The following IGSF21 variants were observed in gnomAD, a reference collection of about 807,000 sequenced individuals.
IGSF21 encodes the protein immunoglobulin superfamily member 21.
In IGSF21, 28 loss-of-function variants were observed where a neutral mutation model predicts 46.8. That is an observed-to-expected ratio of 0.60 (90% CI 0.44 to 0.82). The LOEUF is 0.82. Ranked by LOEUF, IGSF21 falls within the 40% of genes least tolerant of loss-of-function variation. The pLI is 0.00. For missense variants in IGSF21, 624 were observed against 665.5 expected (o/e 0.94, Z 0.69); for synonymous variants, 284 against 273.6 (o/e 1.04, Z -0.38).
chr1:18,145,189 G>C (rs571353241), intron 1 of IGSF21, among the ~76,000 whole-genome samples: 1 of 130,450 alleles, frequency 7.7e-6, no homozygotes, highest in Non-Finnish European at 1.6e-5. Flanking sequence ...GAAACAGAGA[G>C]GAATTTATGG....
At position 18,310,896 on chromosome 1, in the gene IGSF21, C is replaced by T. The variant is rs189348579; in HGVS notation, c.305+18909C>T. Among the ~76,000 whole-genome samples, 140 of 152,322 alleles carry T rather than the reference C, an allele frequency of 9.2e-4. No homozygotes were observed. In the Middle Eastern group the frequency reaches 0.02, roughly 22 times the overall value. ...ACCCCAAACTCCACCTCCATCATCA[C>T]ACGGCGTTCTCCCGCTGTGTGTCTG... On this transcript the variant is annotated intron_variant, in intron 3 of 9. Coordinates refer to ENST00000251296, the MANE Select transcript of IGSF21 (RefSeq NM_032880.5).
intron 1 of IGSF21, among the ~76,000 whole-genome samples, chr1:18,225,083 TCTCACACACACACACACACACA>T (rs1181688138): frequency 1.6e-4 from 9 of 54,856 alleles, no homozygotes; most frequent in Non-Finnish European, 3.2e-4. Context: ...TCTCTCTCTC[TCTCACACACACACACACACACA>T]CACACACACA....
intron 1 of IGSF21, among the ~76,000 whole-genome samples, chr1:18,191,121 T>C (rs1202910612): frequency 6.6e-6 from 1 of 152,144 alleles, no homozygotes; most frequent in Admixed American, 6.5e-5. Flanking sequence ...ACTGCATCAA[T>C]GTCAGTGGCC....
At chr1:18,199,141 C>G (rs1372185146) in intron 1 of IGSF21, among the ~76,000 whole-genome samples, 1 of 152,046 alleles carries the variant, frequency 6.6e-6, no homozygotes, top group Non-Finnish European at 1.5e-5. Context: ...TGCAAGGCCC[C>G]CCGGTACATT....
chr1:18,367,936 C>T (rs982224275), intron 6 of IGSF21, among the ~76,000 whole-genome samples: 1 of 151,994 alleles, frequency 6.6e-6, no homozygotes, highest in African/African-American at 2.4e-5. Flanking sequence ...CCTGCCCATA[C>T]AGAAACTAAA....
chr1:18,361,183 T>C (rs2086096558), intron 4 of IGSF21, among the ~76,000 whole-genome samples: 1 of 152,176 alleles, frequency 6.6e-6, no homozygotes, highest in South Asian at 2.1e-4. Context: ...CCCACTCTGT[T>C]TTCAGTCTCT....
chr1:18,204,570 C>G (rs549491313), intron 1 of IGSF21, among the ~76,000 whole-genome samples: 2 of 152,080 alleles, frequency 1.3e-5, no homozygotes, highest in Admixed American at 1.3e-4. Flanking sequence ...AATGTGTGCT[C>G]AGAGGTGGAG....
At chr1:18,145,458 A>C (rs76793018) in intron 1 of IGSF21, among the ~76,000 whole-genome samples, 32,433 of 151,846 alleles carry the variant, frequency 0.21, 3,733 homozygotes, top group Middle Eastern at 0.34. Context: ...AGTGCCCGAG[A>C]GCCCCCAGCC....
At chr1:18,178,367 G>A (rs929510552) in intron 1 of IGSF21, among the ~76,000 whole-genome samples, 7 of 152,112 alleles carry the variant, frequency 4.6e-5, no homozygotes, top group Admixed American at 3.9e-4. Flanking sequence ...GGTTTCAGCC[G>A]AATGTCTTTC....
At position 18,131,207 on chromosome 1, in the gene IGSF21, G is replaced by A. The variant is rs532804494; in HGVS notation, c.70+23009G>A. On this transcript the variant is annotated intron_variant, in intron 1 of 9. Transcript: ENST00000251296. ...AGGGGCATACCTGAGGCAGATTTTT[G>A]TTTTTTTCTTCACGTGTCTCAGAAG... is the stretch of plus-strand genomic sequence containing the variant. 7.2e-5 allele frequency among the ~76,000 whole-genome samples: 11 copies of A among 152,302 alleles called. No homozygotes were observed. In the South Asian group the frequency reaches 1.2e-3, roughly 17 times the overall value.
chr1:18,273,509 T>TTTCTTTCC lies in IGSF21; in HGVS notation c.184-18350_184-18349insCTTCTTTC, dbSNP rs1553159639. Among the ~76,000 whole-genome samples the TTTCTTTCC allele has an allele frequency of 1.8e-3, 186 of 105,822 alleles. 13 individuals are homozygous for TTTCTTTCC. Among genetic ancestry groups the TTTCTTTCC allele is most frequent in the African/African-American group, 7.4e-3 (177 of 23,916 alleles). The allele number at this position is 105,822 out of a possible 152,430, so 69.4% of individuals were successfully genotyped here. A position where few individuals can be genotyped will look rare whatever the true frequency, so the allele number is the denominator to read the frequency against. ...CTTTCTTTCTTTCTTTCTTTCTTTC[T>TTTCTTTCC]TTCTTTCTTTCGTCTTTCTTTACTT... is the stretch of plus-strand genomic sequence containing the variant. On this transcript the variant is annotated intron_variant, in intron 2 of 9. Coordinates refer to ENST00000251296, the MANE Select transcript of IGSF21 (RefSeq NM_032880.5).
chr1:18,277,804 C>T (rs145520912), intron 2 of IGSF21, among the ~76,000 whole-genome samples: 49 of 152,170 alleles, frequency 3.2e-4, no homozygotes, highest in African/African-American at 1.1e-3. Context: ...TTCGTTGATA[C>T]GAAATTCTAG....
At chr1:18,193,177 T>C (rs979579840) in intron 1 of IGSF21, among the ~76,000 whole-genome samples, 2 of 151,946 alleles carry the variant, frequency 1.3e-5, no homozygotes, top group South Asian at 2.1e-4. Context: ...AAGCCCAGAC[T>C]TGTGGGGCCA....
chr1:18,366,531 AG>A (rs1248684785), intron 6 of IGSF21, among the ~76,000 whole-genome samples: 1 of 152,186 alleles, frequency 6.6e-6, no homozygotes, highest in African/African-American at 2.4e-5. Flanking sequence ...GTGAGCTCAG[AG>A]GACAGTTGCT....
At chr1:18,110,742 C>T (rs35594237) in intron 1 of IGSF21, 2,534 of 152,514 alleles carry the variant, frequency 0.017, 25 homozygotes, top group East Asian at 0.049. Flanking sequence ...CTGGGCGTGT[C>T]CTGGGGCGTT....
chr1:18,142,052 A>G (rs1440419906), intron 1 of IGSF21, among the ~76,000 whole-genome samples: 1 of 152,206 alleles, frequency 6.6e-6, no homozygotes, highest in Non-Finnish European at 1.5e-5. Flanking sequence ...CCTGGGCAAC[A>G]GAGTGATACT....
chr1:18,252,045 G>GT (rs59704256), intron 2 of IGSF21, among the ~76,000 whole-genome samples: 11,319 of 71,720 alleles, frequency 0.16, 2,271 homozygotes, highest in African/African-American at 0.35. Flanking sequence ...TGACCAAGGC[G>GT]TTTTTTTTTT....
chr1:18,109,074 G>C lies in IGSF21; in HGVS notation c.70+876G>C, dbSNP rs2086117923. Reference sequence around the variant, plus strand: ...AGACAGCTAGAAGGAGGTTGAAGCCGAGCGGGTTCTCCGGAGCCAGTGAGA... The same window carrying C: ...AGACAGCTAGAAGGAGGTTGAAGCCCAGCGGGTTCTCCGGAGCCAGTGAGA... On this transcript the variant is annotated intron_variant, in intron 1 of 9. Coordinates refer to ENST00000251296, the MANE Select transcript of IGSF21 (RefSeq NM_032880.5). This position sits in a 1 kb window ranked among gnomAD's most constrained non-coding sequence, Gnocchi z 4.8. 6.6e-6 allele frequency among the ~76,000 whole-genome samples: 1 copy of C among 151,662 alleles called. No individual in the cohort carries two copies. The highest frequency in any genetic ancestry group is 6.6e-5 in the Admixed American group (1 of 15,232).
chr1:18,246,713 T>C (rs1385190374), intron 2 of IGSF21, among the ~76,000 whole-genome samples: 2 of 152,198 alleles, frequency 1.3e-5, no homozygotes, highest in African/African-American at 2.4e-5. Context: ...TGGCAACCTG[T>C]CTAGCGCACC....
Sources: allele counts gnomAD v4.1 joint callset (sites outside exome capture counted in the v4.1 genomes callset), GRCh38; gene constraint gnomAD v4.1.1; non-coding constraint Gnocchi (gnomAD v3.1); transcripts MANE v1.5; gene names NCBI Gene and HGNC (gene_info 2026-07-23, HGNC 2026-07-21).